SCLT1: variants seen among roughly 807,000 people sequenced by gnomAD.
The protein encoded by SCLT1 is sodium channel-associated protein 1.
SCLT1 carries 78 observed loss-of-function variants against 112.8 expected under a neutral mutation model. The observed-to-expected ratio is 0.69, with a 90% CI of 0.58 to 0.83. The LOEUF is 0.83. SCLT1 is among the 40% of genes least tolerant of loss of function. SCLT1 has a pLI of 0.00. For synonymous variants in SCLT1, 257 were observed against 254.7 expected, an observed-to-expected ratio of 1.01 and a Z score of -0.09; for missense variants, 747 against 770.4, an observed-to-expected ratio of 0.97 and a Z score of 0.36.
intron 5 of SCLT1, among the ~76,000 whole-genome samples, chr4:129,034,013 C>A (rs186727270): frequency 3.3e-5 from 5 of 152,210 alleles, no homozygotes; most frequent in Admixed American, 6.5e-5. Flanking sequence ...TCAAGTAGCA[C>A]CAGCAGAGTG....
chr4:129,002,507 T>A (rs1433629937), intron 6 of SCLT1, among the ~76,000 whole-genome samples: 4 of 152,018 alleles, frequency 2.6e-5, no homozygotes, highest in African/African-American at 9.7e-5. Flanking sequence ...AATACAAATT[T>A]AGAGAAATAA....
At chr4:128,998,690 G>A (rs1218804162) in intron 7 of SCLT1, among the ~76,000 whole-genome samples, 2 of 147,532 alleles carry the variant, frequency 1.4e-5, no homozygotes, top group Non-Finnish European at 3.0e-5. Flanking sequence ...AAATCTCAGA[G>A]GTAAAAGTCC....
chr4:128,949,847 T>TC (rs1236018056), intron 14 of SCLT1, among the ~76,000 whole-genome samples: 1 of 16,188 alleles, frequency 6.2e-5, no homozygotes, highest in Non-Finnish European at 9.7e-5. Flanking sequence ...TTTTTTCCTC[T>TC]TTTTTTTTTT....
chr4:128,883,157 CAA>C (rs34993678), downstream of SCLT1, among the ~76,000 whole-genome samples: 8 of 57,704 alleles, frequency 1.4e-4, no homozygotes, highest in African/African-American at 4.1e-4. Context: ...ACAACAACAA[CAA>C]AAAAAAAAAA....
chr4:128,995,799 C>T (rs776185707), intron 8 of SCLT1, among the ~76,000 whole-genome samples: 8 of 152,080 alleles, frequency 5.3e-5, no homozygotes, highest in African/African-American at 9.7e-5. Context: ...GAGACAGATG[C>T]TATTTCTCTG....
chr4:128,938,978 AAAC>A (rs1342957129), intron 17 of SCLT1, among the ~76,000 whole-genome samples: 2 of 152,104 alleles, frequency 1.3e-5, no homozygotes, highest in Admixed American at 6.5e-5. Context: ...CTTCTCAAAC[AAAC>A]AACAAAAACA....
intron 5 of SCLT1, among the ~76,000 whole-genome samples, chr4:129,025,033 G>C (rs1267173392): frequency 2.0e-5 from 3 of 152,198 alleles, no homozygotes; most frequent in Admixed American, 6.5e-5. Context: ...AAGCCTCCAA[G>C]AAATATGGGA....
chr4:128,963,520 G>A lies in SCLT1; in HGVS notation c.869+1707C>T, dbSNP rs1195667550. On this transcript the variant is annotated intron_variant, in intron 11 of 20. Transcript: ENST00000281142. The stretch of plus-strand genomic sequence containing the variant: ...GTCCCTCTTAGGAGGGAGTCTTACA[G>A]ACTTTTCTTCTAACAATGTATGGAA... Among the ~76,000 whole-genome samples, 4 of 152,124 alleles carry A rather than the reference G, an allele frequency of 2.6e-5. No individual in the cohort carries two copies. In the East Asian group the frequency reaches 7.7e-4, roughly 29 times the overall value.
intron 4 of SCLT1, among the ~76,000 whole-genome samples, chr4:129,042,333 T>C (rs1747768793): frequency 6.6e-6 from 1 of 152,130 alleles, no homozygotes; most frequent in South Asian, 2.1e-4. Flanking sequence ...AGAAACACAT[T>C]ATAAATATTA....
At chr4:128,898,487 C>A (rs1733976316) in intron 18 of SCLT1, among the ~76,000 whole-genome samples, 1 of 152,048 alleles carries the variant, frequency 6.6e-6, no homozygotes, top group Non-Finnish European at 1.5e-5. Context: ...AGAACAAAGA[C>A]ACAACATACC....
At chr4:128,958,294 T>G (rs553138030) in intron 12 of SCLT1, among the ~76,000 whole-genome samples, 1 of 152,194 alleles carries the variant, frequency 6.6e-6, no homozygotes, top group South Asian at 2.1e-4. Flanking sequence ...GCTGTTCTTA[T>G]GTAATAACCT....
At chr4:128,912,158 A>G (rs753167921) in intron 18 of SCLT1, among the ~76,000 whole-genome samples, 2 of 152,190 alleles carry the variant, frequency 1.3e-5, no homozygotes, top group African/African-American at 2.4e-5. Flanking sequence ...CAAACAAGCC[A>G]TTTACTTTTA....
intron 18 of SCLT1, among the ~76,000 whole-genome samples, chr4:128,901,267 A>G (rs1190304250): frequency 1.3e-5 from 2 of 152,238 alleles, no homozygotes; most frequent in African/African-American, 4.8e-5. Flanking sequence ...ACCTGGAGCC[A>G]ACCCAAATGT....
Position 128,965,335 on chromosome 4 carries a change from C to A in SCLT1, c.778-17G>T, listed in dbSNP as rs779655718. On this transcript the variant is annotated splice_polypyrimidine_tract_variant and intron_variant, in intron 10 of 20. Transcript: ENST00000281142. ...ATCCTTCTCCTAGAAAATAAAGAAA[C>A]TAGAAGCTTACTTTGAGTATGTGAA... The A allele has an allele frequency of 2.7e-6, 4 of 1,509,004 alleles. No individual in the cohort carries two copies. The East Asian group carries it at 9.0e-5, about 34-fold the overall frequency. The allele number at this position is 1,509,004 out of a possible 1,614,324, so 93.5% of individuals were successfully genotyped here.
chr4:129,052,996 A>T (rs1228999725), intron 2 of SCLT1, among the ~76,000 whole-genome samples: 1 of 152,180 alleles, frequency 6.6e-6, no homozygotes, highest in Non-Finnish European at 1.5e-5. Context: ...CCCAGTAGTC[A>T]TTCAAGAGCA....
At chr4:128,987,618 G>C (rs1742212175) in intron 9 of SCLT1, among the ~76,000 whole-genome samples, 1 of 152,058 alleles carries the variant, frequency 6.6e-6, no homozygotes, top group South Asian at 2.1e-4. Context: ...CCATGAGCTT[G>C]GAGAAAGGCT....
At chr4:129,048,351 CA>C (rs1748398327) in intron 2 of SCLT1, among the ~76,000 whole-genome samples, 1 of 151,452 alleles carries the variant, frequency 6.6e-6, no homozygotes, top group African/African-American at 2.4e-5. Flanking sequence ...TGATCTTTGA[CA>C]AACCTGAGAA....
chr4:128,927,950 T>C (rs1183464629), intron 18 of SCLT1, among the ~76,000 whole-genome samples: 1 of 151,920 alleles, frequency 6.6e-6, no homozygotes, highest in Non-Finnish European at 1.5e-5. Context: ...AGACATTAAA[T>C]GGACAATAAT....
At chr4:128,977,734 A>C (rs368107681) in intron 9 of SCLT1, among the ~76,000 whole-genome samples, 2 of 152,220 alleles carry the variant, frequency 1.3e-5, no homozygotes, top group African/African-American at 2.4e-5. Flanking sequence ...CGTATCACAG[A>C]GAAAAAAGTG....
Sources: allele counts gnomAD v4.1 joint callset (sites outside exome capture counted in the v4.1 genomes callset), GRCh38; gene constraint gnomAD v4.1.1; transcripts MANE v1.5; gene names NCBI Gene and HGNC (gene_info 2026-07-23, HGNC 2026-07-21).